The following DNM3 variants were observed in gnomAD, a reference collection of about 807,000 sequenced individuals.
DNM3 encodes the protein dynamin-3.
DNM3 carries 47 observed loss-of-function variants against 101.6 expected under a neutral mutation model. The ratio of observed to expected loss-of-function variants is 0.46; its 90% CI spans 0.37 to 0.59. DNM3 has a LOEUF of 0.59. Among genes scored for constraint, DNM3 ranks in the 20% least tolerant of loss-of-function variants. DNM3 has a pLI of 0.00. For synonymous variants in DNM3, 385 were observed against 387.9 expected, an observed-to-expected ratio of 0.99 and a Z score of 0.09; for missense variants, 849 against 1,085.7, an observed-to-expected ratio of 0.78 and a Z score of 3.06.
intron 1 of DNM3, among the ~76,000 whole-genome samples, chr1:171,862,326 G>C (rs1363674601): frequency 6.6e-6 from 1 of 152,108 alleles, no homozygotes; most frequent in African/African-American, 2.4e-5. Context: ...CCAAAAGGTG[G>C]AAACACCCAA....
chr1:172,132,376 A>G (rs575624130), intron 14 of DNM3, among the ~76,000 whole-genome samples: 2 of 152,314 alleles, frequency 1.3e-5, no homozygotes, highest in South Asian at 4.1e-4. Context: ...ATGAAATCCT[A>G]TAGAAATGTA....
chr1:172,168,248 CTT>C (rs5778720), intron 14 of DNM3, among the ~76,000 whole-genome samples: 19 of 149,938 alleles, frequency 1.3e-4, no homozygotes, highest in African/African-American at 2.0e-4. Flanking sequence ...TATGGTCTCC[CTT>C]TTTTTTTTGT....
chr1:172,225,815 ATCTG>A (rs2061096776), intron 14 of DNM3, among the ~76,000 whole-genome samples: 2 of 151,760 alleles, frequency 1.3e-5, no homozygotes, highest in South Asian at 4.2e-4. Context: ...TCTTTTAAAC[ATCTG>A]TCTTTCAATG....
intron 12 of DNM3, among the ~76,000 whole-genome samples, chr1:172,087,527 C>G (rs746660845): frequency 1.3e-5 from 2 of 152,116 alleles, no homozygotes; most frequent in Non-Finnish European, 2.9e-5. Context: ...TCCTCATCTG[C>G]TCTTATAATT....
At chr1:171,926,008 T>C (rs1302748994) in intron 2 of DNM3, among the ~76,000 whole-genome samples, 1 of 152,220 alleles carries the variant, frequency 6.6e-6, no homozygotes, top group Non-Finnish European at 1.5e-5. Flanking sequence ...GACGTGTTGG[T>C]TGAAAATATG....
intron 14 of DNM3, among the ~76,000 whole-genome samples, chr1:172,193,283 T>A (rs1482590492): frequency 6.6e-6 from 1 of 152,162 alleles, no homozygotes; most frequent in East Asian, 1.9e-4. Context: ...TGATGATTTT[T>A]GCATCGATGT....
At chr1:172,155,191 A>G (rs2058290443) in intron 14 of DNM3, among the ~76,000 whole-genome samples, 1 of 151,972 alleles carries the variant, frequency 6.6e-6, no homozygotes, top group Non-Finnish European at 1.5e-5. Flanking sequence ...AAGGCCAACC[A>G]TACAATTGTG....
chr1:171,944,860 T>C (rs1011912140), intron 2 of DNM3, among the ~76,000 whole-genome samples: 2 of 109,156 alleles, frequency 1.8e-5, no homozygotes, highest in African/African-American at 8.1e-5. Context: ...GTTTCCTTTT[T>C]TTTTTTTTTT....
chr1:172,072,171 G>T (rs1572379217), intron 11 of DNM3, among the ~76,000 whole-genome samples: 1 of 152,146 alleles, frequency 6.6e-6, no homozygotes, highest in African/African-American at 2.4e-5. Context: ...CAAACTTTTG[G>T]CCAAATGGAT....
intron 6 of DNM3, among the ~76,000 whole-genome samples, chr1:172,035,630 G>A (rs1022001183): frequency 1.6e-4 from 25 of 152,280 alleles, no homozygotes; most frequent in African/African-American, 6.0e-4. Context: ...TGTCTGAGAA[G>A]CAAAAGGTGG....
chr1:172,138,847 C>A, intron 14 of DNM3: 3 of 475,794 alleles, frequency 6.3e-6, no homozygotes, highest in Non-Finnish European at 1.3e-5. Flanking sequence ...TACAGGTGAG[C>A]GGATGTTCTG....
intron 15 of DNM3, among the ~76,000 whole-genome samples, chr1:172,287,828 CACAT>C (rs916950455): frequency 1.6e-4 from 24 of 146,928 alleles, no homozygotes; most frequent in South Asian, 4.4e-4. Flanking sequence ...CACACACACA[CACAT>C]ATATTTTTTG....
rs6701946 is a variant in DNM3 at position 172,325,982 on chromosome 1, A to G, written c.1893+2642A>G. On this transcript the variant is annotated intron_variant, in intron 17 of 20. Coordinates refer to ENST00000627582, the MANE Select transcript of DNM3 (RefSeq NM_015569.5). ...ATACATATAACCTGGGGTATATGGA[A>G]CAATCCTGCTATTTGTTTTCTCAAA... 2.1e-3 allele frequency among the ~76,000 whole-genome samples: 321 copies of G among 152,304 alleles called. 1 individual carries two copies. The highest frequency in any genetic ancestry group is 7.1e-3 in the African/African-American group (295 of 41,576).
rs188372017 is a variant in DNM3, at chr1:172,110,405, G to A, written c.1545+17530G>A. Among the ~76,000 whole-genome samples, 21 of 152,274 alleles carry A rather than the reference G, an allele frequency of 1.4e-4. No homozygotes were observed. The East Asian group carries it at 3.7e-3, about 27-fold the overall frequency. Reference sequence around the variant, plus strand: ...TCTCCCCAATTTGACTATATGCTCAGTTAGATCAGGGACAGTAGTTGCCAT... The same window carrying A: ...TCTCCCCAATTTGACTATATGCTCAATTAGATCAGGGACAGTAGTTGCCAT... On this transcript the variant is annotated intron_variant, in intron 13 of 20. Coordinates refer to ENST00000627582, the MANE Select transcript of DNM3 (RefSeq NM_015569.5).
chr1:172,033,247 G>A lies in DNM3; in HGVS notation c.831G>A (p.Leu277=). ...CTGACCGAATGGGAACCCCACACCT[G>A]CAGAAGGTCCTTAATCAGGTAAAAA... The part of the protein sequence containing the change: ...HIADRMGTPH[L]QKVLNQQLTN... Residue 277 remains leucine, a synonymous_variant, in exon 6 of 21, where the codon CTG becomes CTA. Coordinates refer to ENST00000627582, the MANE Select transcript of DNM3 (RefSeq NM_015569.5). 6.2e-7 allele frequency: 1 copy of A among 1,601,622 alleles called. No homozygotes were observed. The highest frequency in any genetic ancestry group is 8.5e-7 in the Non-Finnish European group (1 of 1,173,850).
intron 14 of DNM3, among the ~76,000 whole-genome samples, chr1:172,197,503 T>C (rs931524658): frequency 6.6e-6 from 1 of 152,164 alleles, no homozygotes; most frequent in Non-Finnish European, 1.5e-5. Context: ...TTGGGCAGTA[T>C]AACCATTTTA....
chr1:172,046,591 A>AT (rs2125854285), intron 9 of DNM3, among the ~76,000 whole-genome samples: 1 of 151,908 alleles, frequency 6.6e-6, no homozygotes, highest in African/African-American at 2.4e-5. Flanking sequence ...GAGAAAAAAA[A>AT]ATTTAGACAA....
intron 14 of DNM3, among the ~76,000 whole-genome samples, chr1:172,181,005 T>C (rs2059324352): frequency 6.6e-6 from 1 of 152,102 alleles, no homozygotes; most frequent in African/African-American, 2.4e-5. Flanking sequence ...ACTTACCAAG[T>C]GCCGCCACTC....
intron 14 of DNM3, among the ~76,000 whole-genome samples, chr1:172,250,249 A>G (rs2062116020): frequency 6.6e-6 from 1 of 152,172 alleles, no homozygotes; most frequent in Non-Finnish European, 1.5e-5. Flanking sequence ...AACTCTGAAT[A>G]CTAAACATTG....
Sources: gnomAD v4.1 joint callset for allele counts (sites outside exome capture counted in the v4.1 genomes callset) on GRCh38, gnomAD v4.1.1 for gene constraint, MANE v1.5 for transcripts, NCBI Gene and HGNC (gene_info 2026-07-23, HGNC 2026-07-21) for gene names.